ZMYM2: variants seen among roughly 807,000 people sequenced by gnomAD.
ZMYM2 encodes zinc finger MYM-type containing 2, also known as zinc finger MYM-type protein 2.
In ZMYM2, 56 loss-of-function variants were observed where a neutral mutation model predicts 162.8. The observed-to-expected ratio is 0.34, with a 90% confidence interval of 0.28 to 0.43. ZMYM2 has a LOEUF of 0.43. Ranked by LOEUF, ZMYM2 falls within the 20% of genes least tolerant of loss-of-function variation. ZMYM2 has a pLI of 1.00. For synonymous variants in ZMYM2, 510 were observed against 541.6 expected (o/e 0.94, Z 0.81); for missense variants, 1,275 against 1,621.8 (o/e 0.79, Z 3.67).
intron 21 of ZMYM2, among the ~76,000 whole-genome samples, chr13:20,077,356 C>G (rs180948803): frequency 6.6e-6 from 1 of 150,538 alleles, no homozygotes; most frequent in Non-Finnish European, 1.5e-5. Flanking sequence ...AGTAAAGTTA[C>G]TTGCCCAAGT....
intron 2 of ZMYM2, among the ~76,000 whole-genome samples, chr13:19,982,462 A>G (rs1338694760): frequency 6.6e-6 from 1 of 151,606 alleles, no homozygotes; most frequent in African/African-American, 2.4e-5. Context: ...TAATTCTTGT[A>G]TTTTTAGTAG....
the ZMYM2 span, among the ~76,000 whole-genome samples, chr13:19,872,654 G>A: frequency 2.0e-5 from 3 of 152,140 alleles, no homozygotes; most frequent in African/African-American, 7.2e-5. Context: ...TTATGTCTAC[G>A]CTTTCATTCA....
At chr13:20,019,466 T>A (rs1951891141) in intron 6 of ZMYM2, 81 bp from the exon 7 acceptor site, 7 of 1,258,180 alleles carry the variant, frequency 5.6e-6, no homozygotes, top group Non-Finnish European at 6.5e-6. Flanking sequence ...AGAAGCAACT[T>A]TTACATAATG....
intron 9 of ZMYM2, among the ~76,000 whole-genome samples, chr13:20,028,620 T>G (rs1422327235): frequency 6.6e-6 from 1 of 152,186 alleles, no homozygotes; most frequent in Non-Finnish European, 1.5e-5. Flanking sequence ...CCAAATCCCT[T>G]ATATAATATG....
At chr13:19,935,156 A>G in the ZMYM2 span, among the ~76,000 whole-genome samples, 2 of 151,882 alleles carry the variant, frequency 1.3e-5, no homozygotes, top group Non-Finnish European at 2.9e-5. Context: ...TATTTTTGAG[A>G]CAGAGTTCCA....
At chr13:19,881,603 C>A in the ZMYM2 span, among the ~76,000 whole-genome samples, 1 of 151,046 alleles carries the variant, frequency 6.6e-6, no homozygotes, top group Non-Finnish European at 1.5e-5. Context: ...GCCTGGGCAA[C>A]AGAGTGAGAC....
At chr13:19,872,656 T>G in the ZMYM2 span, among the ~76,000 whole-genome samples, 1 of 152,242 alleles carries the variant, frequency 6.6e-6, no homozygotes, top group African/African-American at 2.4e-5. Context: ...ATGTCTACGC[T>G]TTCATTCAGA....
rs560451915 is a variant in ZMYM2 at position 20,030,502 on chromosome 13, C to T, written c.1852-817C>T. On this transcript the variant is annotated intron_variant, in intron 9 of 24. Coordinates refer to ENST00000610343, the MANE Select transcript of ZMYM2 (RefSeq NM_197968.4). ...CAAGCTCCACCTCCTGGGTTCACGC[C>T]ATTCTCCTGCCTCAACCTCCTGAGT... is the stretch of plus-strand genomic sequence containing the variant. 3.3e-5 allele frequency among the ~76,000 whole-genome samples: 5 copies of T among 152,076 alleles called. No individual in the cohort carries two copies. In the East Asian group the frequency reaches 9.7e-4, roughly 29 times the overall value.
intron 2 of ZMYM2, among the ~76,000 whole-genome samples, chr13:19,983,620 T>C (rs1362047039): frequency 1.3e-5 from 2 of 152,110 alleles, no homozygotes; most frequent in Admixed American, 1.3e-4. Context: ...TATTAGGAAT[T>C]TTTATTTTAT....
intron 2 of ZMYM2, chr13:19,965,140 C>A: frequency 2.7e-6 from 2 of 734,402 alleles, no homozygotes; most frequent in Non-Finnish European, 1.9e-6. Flanking sequence ...CATTGGGATG[C>A]ACAGTTAGAA....
At position 20,002,946 on chromosome 13, in the gene ZMYM2, T is replaced by C; in HGVS notation, c.944T>C (p.Phe315Ser). The change falls in exon 4 of 25, where the codon TTC (phenylalanine) becomes TCC (serine). Residue 315 changes from phenylalanine (F) to serine (S), a missense_variant. Phe to Ser is a radical substitution (Grantham distance 155, BLOSUM62 -2). Around this residue, in one of 10 missense-constraint regions of ZMYM2, gnomAD observed 115 missense variants for 175.3 expected, o/e 0.66. Coordinates refer to ENST00000610343, the MANE Select transcript of ZMYM2 (RefSeq NM_197968.4). ...GTGGCCTCACTTCCTAAACAGATTT[T>C]CCAGCCGTCTGTCCAACAGCAGCCT... ...SPVASLPKQI[F>S]QPSVQQQPTK... 6.2e-7 allele frequency: 1 copy of C among 1,614,164 alleles called. No individual in the cohort carries two copies. The highest frequency in any genetic ancestry group is 8.5e-7 in the Non-Finnish European group (1 of 1,180,022).
At chr13:19,885,898 CACATATATATGTATAT>C in the ZMYM2 span, among the ~76,000 whole-genome samples, 10 of 90,544 alleles carry the variant, frequency 1.1e-4, 1 homozygote, top group African/African-American at 3.6e-4. Context: ...TATGTGTATA[CACATATATATGTATAT>C]ACACATATAT....
chr13:19,965,198 A>G, intron 2 of ZMYM2: 1 of 1,261,672 alleles, frequency 7.9e-7, no homozygotes, highest in Non-Finnish European at 1.0e-6. Context: ...ATACAGTGAG[A>G]CAAATTCTTT....
In ZMYM2 at chr13:20,058,675, C is replaced by T. The variant is rs766973386; in HGVS notation, c.2594C>T (p.Pro865Leu). Residue 865 changes from proline (P) to leucine (L), a missense_variant, in exon 15 of 25, where the codon CCT (proline) becomes CTT (leucine). Physicochemically the swap from Pro to Leu is moderately conservative, Grantham distance 98. Coordinates refer to ENST00000610343, the MANE Select transcript of ZMYM2 (RefSeq NM_197968.4). ...ATGACAAAAGCTACTTACTGTAAACCTCACATGCAGACCAAATCTTGTCAG... is the reference window on the plus strand; with the variant it reads ...ATGACAAAAGCTACTTACTGTAAACTTCACATGCAGACCAAATCTTGTCAG... ...LTMTKATYCK[P>L]HMQTKSCQTD... 1 of 1,613,714 alleles carries T rather than the reference C, an allele frequency of 6.2e-7. No individual in the cohort carries two copies. Among genetic ancestry groups the T allele is most frequent in the Non-Finnish European group, 8.5e-7 (1 of 1,179,750 alleles).
chr13:19,950,613 C>A, the ZMYM2 span, among the ~76,000 whole-genome samples: 2 of 152,212 alleles, frequency 1.3e-5, no homozygotes, highest in Non-Finnish European at 2.9e-5. Flanking sequence ...ACCCATAATC[C>A]TCTCTGACCA....
Position 20,036,717 on chromosome 13 carries a change from A to G in ZMYM2, c.2120-20A>G. The G allele has an allele frequency of 1.3e-5, 20 of 1,484,390 alleles. No individual in the cohort carries two copies. The highest frequency in any genetic ancestry group is 1.8e-5 in the Non-Finnish European group (20 of 1,117,700). 92.0% of individuals were successfully genotyped at this position (1,484,390 alleles called of 1,614,324 possible). ...TTCATGTGTTTTTTTGTTTTAATATATAAATCTTATATTTTTCAGGCTGCA... is the reference window on the plus strand; with the variant it reads ...TTCATGTGTTTTTTTGTTTTAATATGTAAATCTTATATTTTTCAGGCTGCA... On this transcript the variant is annotated intron_variant, in intron 11 of 24. Transcript: ENST00000610343.
At chr13:19,873,238 A>G in the ZMYM2 span, among the ~76,000 whole-genome samples, 1 of 152,012 alleles carries the variant, frequency 6.6e-6, no homozygotes, top group Non-Finnish European at 1.5e-5. Context: ...CCTGACCAGG[A>G]TCTGGTCCAG....
intron 21 of ZMYM2, among the ~76,000 whole-genome samples, chr13:20,074,577 C>T (rs1364185351): frequency 8.4e-5 from 12 of 143,074 alleles, no homozygotes; most frequent in African/African-American, 1.6e-4. Context: ...CTTACTCTGT[C>T]GCCCAGGCTG....
the ZMYM2 span, among the ~76,000 whole-genome samples, chr13:19,946,935 C>CTGT: frequency 1.3e-5 from 2 of 152,110 alleles, no homozygotes; most frequent in African/African-American, 4.8e-5. Flanking sequence ...ATCTTCATCT[C>CTGT]CCTACCTGTT....
Sources: gnomAD v4.1 joint callset for allele counts (sites outside exome capture counted in the v4.1 genomes callset) on GRCh38, gnomAD v4.1.1 for gene constraint, gnomAD v4.1.1 regional missense constraint, MANE v1.5 for transcripts, NCBI Gene and HGNC (gene_info 2026-07-23, HGNC 2026-07-21) for gene names.